APIP: variants seen among roughly 807,000 people sequenced by gnomAD.
The protein encoded by APIP is APAF1 interacting protein.
A neutral mutation model predicts 32.0 loss-of-function variants in APIP; 32 were observed. The ratio of observed to expected loss-of-function variants is 1.00; its 90% CI spans 0.76 to 1.34. The LOEUF (loss-of-function observed/expected upper bound fraction) is 1.34, where lower values mean the gene tolerates loss of function less well. Ranked by LOEUF, APIP falls within the 40% of genes most tolerant of loss-of-function variation. The pLI, the probability that APIP is intolerant of heterozygous loss-of-function variation, is 0.00. For synonymous variants in APIP, 92 were observed against 94.8 expected (o/e 0.97, Z 0.17); for missense variants, 247 against 298.6 (o/e 0.83, Z 1.27).
At chr11:34,916,050 T>C in intron 1 of APIP, 178 bp downstream of exon 1, 1 of 802,910 alleles carries the variant, frequency 1.2e-6, no homozygotes, top group Non-Finnish European at 1.9e-6. Flanking sequence ...TCCTGGGGCC[T>C]CGCAGCCTTG....
At chr11:34,916,009 C>CA in intron 1 of APIP, 1 of 615,504 alleles carries the variant, frequency 1.6e-6, no homozygotes, top group East Asian at 3.0e-5. Context: ...CAGCTCCCGC[C>CA]ATCGGAGCGC....
intron 1 of APIP, among the ~76,000 whole-genome samples, chr11:34,911,678 G>A (rs1276061134): frequency 2.0e-5 from 3 of 152,076 alleles, no homozygotes; most frequent in Admixed American, 6.6e-5. Flanking sequence ...CTCCCACATA[G>A]CAAAAACGAT....
chr11:34,901,674 T>A (rs1345975482), intron 1 of APIP, among the ~76,000 whole-genome samples: 9 of 152,288 alleles, frequency 5.9e-5, no homozygotes, highest in Admixed American at 5.9e-4. Context: ...TGGCTGAAAG[T>A]CCTGCTCCTT....
At chr11:34,887,958 C>T (rs1853106159) in intron 5 of APIP, among the ~76,000 whole-genome samples, 1 of 152,062 alleles carries the variant, frequency 6.6e-6, no homozygotes, top group South Asian at 2.1e-4. Flanking sequence ...TTTCTGAAGA[C>T]AAAGTGAAGT....
In APIP at chr11:34,904,795, A is replaced by T. The variant is rs561593182; in HGVS notation, c.58-9685T>A. 9.8e-5 allele frequency among the ~76,000 whole-genome samples: 15 copies of T among 152,340 alleles called. No individual in the cohort carries two copies. The South Asian group carries it at 2.9e-3, about 29-fold the overall frequency. On this transcript the variant is annotated intron_variant, in intron 1 of 6. Transcript: ENST00000395787. ...ACAGGAATCGACTCCTGGATACATTATATTGGAGTCAAAGCCTGGAGACCT... is the reference window on the plus strand; with the variant it reads ...ACAGGAATCGACTCCTGGATACATTTTATTGGAGTCAAAGCCTGGAGACCT...
chr11:34,915,687 G>C (rs1037908962), intron 1 of APIP: 3 of 155,292 alleles, frequency 1.9e-5, no homozygotes, highest in African/African-American at 7.2e-5. Context: ...GCTTAAGGAA[G>C]AATCGTTCCC....
intron 3 of APIP, among the ~76,000 whole-genome samples, chr11:34,889,174 G>C (rs895531929): frequency 6.6e-6 from 1 of 151,852 alleles, no homozygotes; most frequent in Admixed American, 6.6e-5. Context: ...AAAAAAATTT[G>C]AAGACAAAAA....
At chr11:34,891,258 G>T (rs1021978787) in intron 2 of APIP, among the ~76,000 whole-genome samples, 2 of 152,078 alleles carry the variant, frequency 1.3e-5, no homozygotes, top group African/African-American at 4.8e-5. Flanking sequence ...TTACCACAAG[G>T]TGCTCTCAAA....
intron 2 of APIP, among the ~76,000 whole-genome samples, chr11:34,892,035 T>C (rs547083647): frequency 3.8e-4 from 58 of 152,160 alleles, no homozygotes; most frequent in African/African-American, 1.2e-3. Flanking sequence ...ATCTATAAAG[T>C]AGGAAAACCA....
intron 1 of APIP, chr11:34,915,804 G>T (rs1265691582): frequency 1.3e-5 from 3 of 223,220 alleles, no homozygotes; most frequent in Non-Finnish European, 2.6e-5. Context: ...CGTCTCCCGA[G>T]TGCCAAACGT....
chr11:34,887,148 C>A (rs990233037), intron 5 of APIP, among the ~76,000 whole-genome samples: 10 of 152,112 alleles, frequency 6.6e-5, no homozygotes, highest in African/African-American at 2.4e-4. Flanking sequence ...CAGCTAGACT[C>A]CAACAGAATT....
chr11:34,883,272 A>C, intron 6 of APIP, 65 bp downstream of exon 6: 2 of 1,465,630 alleles, frequency 1.4e-6, no homozygotes, highest in South Asian at 2.7e-5. Flanking sequence ...CAACTGACAT[A>C]CTTTGTTTTC....
intron 1 of APIP, among the ~76,000 whole-genome samples, chr11:34,905,932 C>T (rs1853444207): frequency 6.6e-6 from 1 of 152,186 alleles, no homozygotes; most frequent in African/African-American, 2.4e-5. Flanking sequence ...ATCTGAGATA[C>T]TGGCCAGGGC....
chr11:34,908,578 A>ATGGAGCC (rs1853492790), intron 1 of APIP, among the ~76,000 whole-genome samples: 1 of 152,246 alleles, frequency 6.6e-6, no homozygotes, highest in Admixed American at 6.5e-5. Flanking sequence ...ATCAGAAGAC[A>ATGGAGCC]TGGAGCCTGT....
At chr11:34,894,872 A>C (rs1242018098) in intron 2 of APIP, 138 bp downstream of exon 2, 3 of 727,378 alleles carry the variant, frequency 4.1e-6, no homozygotes, top group African/African-American at 3.5e-5. Flanking sequence ...ACAAATGTCC[A>C]CTTGTCCATT....
intron 1 of APIP, among the ~76,000 whole-genome samples, chr11:34,907,423 C>T (rs542033033): frequency 2.0e-5 from 3 of 152,312 alleles, no homozygotes; most frequent in Non-Finnish European, 2.9e-5. Context: ...TGCGATATTA[C>T]AGCAATTAGC....
intron 1 of APIP, among the ~76,000 whole-genome samples, chr11:34,913,772 A>T (rs1407930918): frequency 6.6e-6 from 1 of 152,154 alleles, no homozygotes; most frequent in Admixed American, 6.5e-5. Flanking sequence ...CCATTTTACA[A>T]AGAGCTGATT....
chr11:34,884,280 AAG>A (rs1287331816), intron 5 of APIP, among the ~76,000 whole-genome samples: 4 of 152,188 alleles, frequency 2.6e-5, no homozygotes, highest in Non-Finnish European at 5.9e-5. Flanking sequence ...TTAAAAAAAA[AAG>A]TTCTAGCTAA....
chr11:34,894,897 C>T, intron 2 of APIP, 113 bp downstream of exon 2: 1 of 912,016 alleles, frequency 1.1e-6, no homozygotes, highest in South Asian at 1.6e-5. Context: ...AACTAAAGAC[C>T]TTCAGTATCA....
Sources: gnomAD v4.1 joint callset for allele counts (sites outside exome capture counted in the v4.1 genomes callset) on GRCh38, gnomAD v4.1.1 for gene constraint, MANE v1.5 for transcripts, NCBI Gene and HGNC (gene_info 2026-07-23, HGNC 2026-07-21) for gene names.